The following NELL1 variants were observed in gnomAD, a reference collection of about 807,000 sequenced individuals.
NELL1 encodes neural EGFL like 1, also known as protein kinase C-binding protein NELL1.
NELL1 carries 76 observed loss-of-function variants against 107.4 expected under a neutral mutation model. The ratio of observed to expected loss-of-function variants is 0.71; its 90% CI spans 0.59 to 0.86. The LOEUF is 0.86. Among genes scored for constraint, NELL1 ranks in the 40% least tolerant of loss-of-function variants. The pLI, the probability that NELL1 is intolerant of heterozygous loss-of-function variation, is 0.00. For synonymous variants in NELL1, 353 were observed against 341.2 expected, an observed-to-expected ratio of 1.03 and a Z score of -0.38; for missense variants, 1,024 against 1,005.5, an observed-to-expected ratio of 1.02 and a Z score of -0.25.
chr11:20,721,751 C>G (rs911875911), intron 2 of NELL1, among the ~76,000 whole-genome samples: 2 of 152,080 alleles, frequency 1.3e-5, no homozygotes, highest in Admixed American at 1.3e-4. Context: ...AGTTTAATGA[C>G]TTGACACTAG....
chr11:20,981,956 TTCTCTC>T (rs68140364), intron 12 of NELL1, among the ~76,000 whole-genome samples: 326 of 148,632 alleles, frequency 2.2e-3, no homozygotes, highest in African/African-American at 7.1e-3. Flanking sequence ...CTCTCTCTCT[TTCTCTC>T]TCTCTCTCTC....
chr11:21,473,459 T>G (rs915466710), intron 15 of NELL1, among the ~76,000 whole-genome samples: 5 of 152,114 alleles, frequency 3.3e-5, no homozygotes, highest in Non-Finnish European at 7.4e-5. Flanking sequence ...CTTATATTAT[T>G]TCATTCATTT....
rs1444690741 is a variant in NELL1 at position 20,808,379 on chromosome 11, T to C, written c.335+24549T>C. 4.6e-5 allele frequency among the ~76,000 whole-genome samples: 7 copies of C among 152,192 alleles called. No individual in the cohort carries two copies. The South Asian group carries it at 1.4e-3, about 31-fold the overall frequency. On this transcript the variant is annotated intron_variant, in intron 3 of 19. Transcript: ENST00000357134. Reference sequence around the variant, plus strand: ...CTATCCTACTGTGACTGAGCTGGTATCCAAGTTGCAAGACAAAGTCCTCTT... The same window carrying C: ...CTATCCTACTGTGACTGAGCTGGTACCCAAGTTGCAAGACAAAGTCCTCTT...
chr11:21,154,674 C>T (rs571903220), intron 13 of NELL1, among the ~76,000 whole-genome samples: 27 of 152,138 alleles, frequency 1.8e-4, no homozygotes, highest in African/African-American at 6.3e-4. Flanking sequence ...GAAGAAGGAA[C>T]AAAGCAAGCC....
intron 10 of NELL1, among the ~76,000 whole-genome samples, chr11:20,940,522 T>C (rs1172497063): frequency 6.6e-6 from 1 of 152,134 alleles, no homozygotes; most frequent in East Asian, 1.9e-4. Flanking sequence ...GTGGTGGGAT[T>C]ACAGGTGTGA....
intron 14 of NELL1, among the ~76,000 whole-genome samples, chr11:21,339,663 C>G (rs1850517388): frequency 1.3e-5 from 2 of 152,214 alleles, no homozygotes; most frequent in South Asian, 4.1e-4. Flanking sequence ...GTGACTTGCT[C>G]TGTTTCCTGG....
At chr11:20,863,218 G>A (rs1381707772) in intron 4 of NELL1, among the ~76,000 whole-genome samples, 2 of 142,760 alleles carry the variant, frequency 1.4e-5, no homozygotes, top group Non-Finnish European at 3.0e-5. Flanking sequence ...GGCCGCAGCC[G>A]GGCAGAGGCG....
At chr11:20,742,539 G>A (rs181450499) in intron 2 of NELL1, among the ~76,000 whole-genome samples, 1 of 152,286 alleles carries the variant, frequency 6.6e-6, no homozygotes, top group Admixed American at 6.5e-5. Context: ...TAGACTCACA[G>A]TTCCATGTGG....
Position 20,839,996 on chromosome 11 carries a change from T to G in NELL1, c.336-7587T>G, listed in dbSNP as rs1848593627. ...GAGGCTTGAGGCCAAAATGTTTGGG[T>G]TTGATACAAGAAAAATAATAGATTA... is the stretch of plus-strand genomic sequence containing the variant. On this transcript the variant is annotated intron_variant, in intron 3 of 19. Transcript: ENST00000357134. 2.0e-5 allele frequency among the ~76,000 whole-genome samples: 3 copies of G among 152,174 alleles called. No individual in the cohort carries two copies. The South Asian group carries it at 6.2e-4, about 32-fold the overall frequency.
intron 2 of NELL1, among the ~76,000 whole-genome samples, chr11:20,695,155 G>A (rs956014094): frequency 1.4e-4 from 22 of 152,088 alleles, no homozygotes; most frequent in African/African-American, 5.3e-4. Flanking sequence ...TCTCCTGAAA[G>A]TTTACTGAAG....
At chr11:21,271,741 T>C (rs1046584809) in intron 14 of NELL1, among the ~76,000 whole-genome samples, 4 of 152,142 alleles carry the variant, frequency 2.6e-5, no homozygotes, top group Non-Finnish European at 5.9e-5. Context: ...TATTAGTGAA[T>C]TGACTCCGAC....
At chr11:20,931,115 G>C (rs1173285709) in intron 9 of NELL1, among the ~76,000 whole-genome samples, 1 of 152,034 alleles carries the variant, frequency 6.6e-6, no homozygotes, top group African/African-American at 2.4e-5. Context: ...CCCTGCTTTA[G>C]AGGAGCTCAC....
At chr11:20,813,016 A>G (rs1191944158) in intron 3 of NELL1, among the ~76,000 whole-genome samples, 1 of 7,592 alleles carries the variant, frequency 1.3e-4, no homozygotes, top group African/African-American at 2.3e-4. Context: ...CAAAAAAAAA[A>G]AAAAAAAAAA....
intron 14 of NELL1, among the ~76,000 whole-genome samples, chr11:21,324,119 G>A (rs1850074078): frequency 6.6e-6 from 1 of 152,144 alleles, no homozygotes. Context: ...TCATGGTGCT[G>A]GATACTTTGC....
intron 4 of NELL1, among the ~76,000 whole-genome samples, chr11:20,879,078 G>T (rs1478387288): frequency 1.3e-5 from 2 of 152,158 alleles, no homozygotes; most frequent in African/African-American, 4.8e-5. Context: ...AAGATAATTG[G>T]TGGTAGCAGC....
At chr11:21,118,965 A>G (rs1370389765) in intron 13 of NELL1, among the ~76,000 whole-genome samples, 1 of 152,034 alleles carries the variant, frequency 6.6e-6, no homozygotes, top group Non-Finnish European at 1.5e-5. Flanking sequence ...TTATTTTACT[A>G]TGTATGAAAT....
chr11:21,007,604 G>C (rs1033945869), intron 12 of NELL1, among the ~76,000 whole-genome samples: 1 of 151,408 alleles, frequency 6.6e-6, no homozygotes, highest in African/African-American at 2.4e-5. Context: ...TTCTTTTTTT[G>C]TTAGAAACAA....
chr11:20,916,859 T>G (rs773541182), intron 5 of NELL1, among the ~76,000 whole-genome samples: 1 of 151,898 alleles, frequency 6.6e-6, no homozygotes, highest in Non-Finnish European at 1.5e-5. Flanking sequence ...ATCTTTAGGT[T>G]TTTCATCTAG....
chr11:21,009,815 C>T (rs776654878), intron 12 of NELL1, among the ~76,000 whole-genome samples: 28 of 152,024 alleles, frequency 1.8e-4, no homozygotes, highest in Non-Finnish European at 3.2e-4. Context: ...GCTTCCTTAA[C>T]GAGCGTGTGC....
Sources: allele counts gnomAD v4.1 joint callset (sites outside exome capture counted in the v4.1 genomes callset), GRCh38; gene constraint gnomAD v4.1.1; transcripts MANE v1.5; gene names NCBI Gene and HGNC (gene_info 2026-07-23, HGNC 2026-07-21).